Variants in ADAMTS12 observed in about 807,000 individuals in gnomAD.
The protein encoded by ADAMTS12 is A disintegrin and metalloproteinase with thrombospondin motifs 12.
In ADAMTS12, 118 loss-of-function variants were observed where a neutral mutation model predicts 167.8. The ratio of observed to expected loss-of-function variants is 0.70; its 90% confidence interval spans 0.61 to 0.82. ADAMTS12 has a LOEUF of 0.82. Ranked by LOEUF, ADAMTS12 falls within the 40% of genes least tolerant of loss-of-function variation. The pLI is 0.00. For synonymous variants in ADAMTS12, 704 were observed against 716.9 expected (o/e 0.98, Z 0.29); for missense variants, 1,916 against 1,998.8 (o/e 0.96, Z 0.79).
chr5:33,865,450 C>T (rs1299348142), intron 2 of ADAMTS12, among the ~76,000 whole-genome samples: 1 of 152,034 alleles, frequency 6.6e-6, no homozygotes, highest in African/African-American at 2.4e-5. Context: ...ACAAACGAGG[C>T]ATAGAATGGA....
At chr5:33,625,030 A>G (rs1033452199) in intron 13 of ADAMTS12, among the ~76,000 whole-genome samples, 2 of 152,138 alleles carry the variant, frequency 1.3e-5, no homozygotes, top group Non-Finnish European at 2.9e-5. Context: ...GGATTTTGCT[A>G]TTTTGCTCAG....
intron 3 of ADAMTS12, among the ~76,000 whole-genome samples, chr5:33,732,617 G>A (rs1240239862): frequency 3.9e-5 from 6 of 152,096 alleles, no homozygotes; most frequent in African/African-American, 1.2e-4. Flanking sequence ...ACAAATTAGA[G>A]AAGATTTAAA....
intron 3 of ADAMTS12, among the ~76,000 whole-genome samples, chr5:33,717,558 G>T (rs1197192896): frequency 6.6e-6 from 1 of 152,110 alleles, no homozygotes; most frequent in Admixed American, 6.5e-5. Flanking sequence ...TGAAACAGCC[G>T]ATTTGGCTCT....
chr5:33,635,325 C>T (rs1409057154), intron 12 of ADAMTS12, among the ~76,000 whole-genome samples: 1 of 152,056 alleles, frequency 6.6e-6, no homozygotes, highest in Non-Finnish European at 1.5e-5. Context: ...ATGAACATTG[C>T]CTTAGGGAAA....
At chr5:33,697,851 G>A (rs1742842169) in intron 3 of ADAMTS12, among the ~76,000 whole-genome samples, 1 of 152,276 alleles carries the variant, frequency 6.6e-6, no homozygotes, top group Non-Finnish European at 1.5e-5. Context: ...AGGAATAAAG[G>A]TTCTCATGCC....
intron 23 of ADAMTS12, among the ~76,000 whole-genome samples, chr5:33,530,856 G>A (rs367629843): frequency 6.6e-6 from 1 of 152,216 alleles, no homozygotes; most frequent in African/African-American, 2.4e-5. Flanking sequence ...GTTGTGGGTT[G>A]AACTGTATCC....
chr5:33,678,927 C>T (rs577678962), intron 5 of ADAMTS12, among the ~76,000 whole-genome samples: 3 of 152,246 alleles, frequency 2.0e-5, no homozygotes, highest in African/African-American at 7.2e-5. Flanking sequence ...TGGAGATGGT[C>T]AGATAAATGG....
chr5:33,691,059 CG>C (rs1422221417), intron 3 of ADAMTS12, among the ~76,000 whole-genome samples: 1 of 152,150 alleles, frequency 6.6e-6, no homozygotes, highest in Admixed American at 6.5e-5. Flanking sequence ...GGGACTTTCA[CG>C]CTTCATCCAA....
intron 2 of ADAMTS12, among the ~76,000 whole-genome samples, chr5:33,860,855 C>T (rs1358077777): frequency 6.6e-6 from 1 of 152,112 alleles, no homozygotes; most frequent in African/African-American, 2.4e-5. Flanking sequence ...ACCCTATAAG[C>T]CAGAAGAGTG....
At chr5:33,609,515 C>T (rs771185582) in intron 16 of ADAMTS12, among the ~76,000 whole-genome samples, 6 of 151,642 alleles carry the variant, frequency 4.0e-5, no homozygotes, top group Admixed American at 1.3e-4. Flanking sequence ...GGACTACAGG[C>T]GCCCACCACC....
chr5:33,746,653 G>A (rs1032165131), intron 3 of ADAMTS12, among the ~76,000 whole-genome samples: 6 of 152,222 alleles, frequency 3.9e-5, no homozygotes, highest in African/African-American at 1.4e-4. Context: ...GATGCAGCAT[G>A]ATGATGTTCT....
intron 20 of ADAMTS12, among the ~76,000 whole-genome samples, chr5:33,558,939 A>T (rs1329356920): frequency 1.3e-5 from 2 of 152,186 alleles, no homozygotes; most frequent in Non-Finnish European, 2.9e-5. Flanking sequence ...AAAGAGAAAG[A>T]AGGTGGTAAT....
chr5:33,614,037 G>C (rs1416808242), intron 16 of ADAMTS12, among the ~76,000 whole-genome samples: 2 of 152,086 alleles, frequency 1.3e-5, no homozygotes, highest in Non-Finnish European at 2.9e-5. Flanking sequence ...TCTATAAAAG[G>C]CCAGTATATA....
intron 3 of ADAMTS12, among the ~76,000 whole-genome samples, chr5:33,740,691 A>G (rs1744539150): frequency 1.3e-5 from 2 of 152,200 alleles, no homozygotes; most frequent in South Asian, 2.1e-4. Flanking sequence ...ATAGAGGGAT[A>G]ATGAAGAACA....
intron 3 of ADAMTS12, among the ~76,000 whole-genome samples, chr5:33,708,416 T>A (rs1338379732): frequency 2.0e-5 from 3 of 152,132 alleles, no homozygotes; most frequent in Non-Finnish European, 4.4e-5. Flanking sequence ...GAACCAGAAA[T>A]ACCATTCGAC....
chr5:33,725,773 A>G (rs1743960545), intron 3 of ADAMTS12, among the ~76,000 whole-genome samples: 1 of 152,204 alleles, frequency 6.6e-6, no homozygotes, highest in Non-Finnish European at 1.5e-5. Context: ...GATTTATCAA[A>G]GTAGGTTCCC....
chr5:33,649,669 T>C lies in ADAMTS12; in HGVS notation c.1219A>G (p.Asn407Asp). ...SFGIQHDGKE[N>D]DCEPVGRHPY... ...TGTCTGCCCACAGGCTCACAGTCAT[T>C]TTCTTTCCCATCATGCTGGATGCCG... is the stretch of plus-strand genomic sequence containing the variant. The change falls in exon 8 of 24, where the codon AAT (asparagine) becomes GAT (aspartate). Residue 407 changes from asparagine to aspartate, a missense_variant. Transcript: ENST00000504830. 2.5e-6 allele frequency: 4 copies of C among 1,613,940 alleles called. No homozygotes were observed. Among genetic ancestry groups the C allele is most frequent in the Non-Finnish European group, 3.4e-6 (4 of 1,179,858 alleles).
At chr5:33,532,814 T>A (rs781766403) in intron 23 of ADAMTS12, among the ~76,000 whole-genome samples, 1 of 152,224 alleles carries the variant, frequency 6.6e-6, no homozygotes, top group Non-Finnish European at 1.5e-5. Flanking sequence ...TTATAAAATA[T>A]ACTTAGGAGT....
In ADAMTS12 at chr5:33,577,443, G is replaced by A. The variant is rs938107190; in HGVS notation, c.2866-283C>T. On this transcript the variant is annotated intron_variant, in intron 18 of 23. Coordinates refer to ENST00000504830, the MANE Select transcript of ADAMTS12 (RefSeq NM_030955.4). ...CTTTGGGCTGTGAATCATGGATGGC[G>A]GGATCCACAATGAATGCAATGGTTT... 1.6e-4 allele frequency among the ~76,000 whole-genome samples: 24 copies of A among 152,260 alleles called. No homozygotes were observed. In the East Asian group the frequency reaches 1.7e-3, roughly 11 times the overall value.
Sources: allele counts gnomAD v4.1 joint callset (sites outside exome capture counted in the v4.1 genomes callset), GRCh38; gene constraint gnomAD v4.1.1; transcripts MANE v1.5; gene names NCBI Gene and HGNC (gene_info 2026-07-23, HGNC 2026-07-21).